C1orf21: variants seen among roughly 807,000 people sequenced by gnomAD.
C1orf21 encodes the protein chromosome 1 open reading frame 21.
Under a neutral mutation model 18.7 loss-of-function variants are expected in C1orf21, and 3 were observed. That is an observed-to-expected ratio of 0.16 (90% CI 0.07 to 0.42). The LOEUF is 0.42. Ranked by LOEUF, C1orf21 falls within the 10% of genes least tolerant of loss-of-function variation. The pLI, the probability that C1orf21 is intolerant of heterozygous loss-of-function variation, is 0.99. For missense variants in C1orf21, 104 were observed against 143.6 expected (o/e 0.72, Z 1.41); for synonymous variants, 41 against 46.4 (o/e 0.88, Z 0.47).
rs554137127 is a variant in C1orf21, at chr1:184,429,606, A to G, written c.-125+42238A>G. Among the ~76,000 whole-genome samples, 22 of 152,300 alleles carry G rather than the reference A, an allele frequency of 1.4e-4. No homozygotes were observed. In the South Asian group the frequency reaches 2.7e-3, roughly 19 times the overall value. ...TGGATTTTGGTGTGAGGGCAACTCA[A>G]GGTACTTAGACGGATCTGTTGTTCT... On this transcript the variant is annotated intron_variant, in intron 1 of 5. Coordinates refer to ENST00000235307, the MANE Select transcript of C1orf21 (RefSeq NM_030806.4).
chr1:184,538,409 G>T (rs376362534), intron 3 of C1orf21, among the ~76,000 whole-genome samples: 2 of 152,024 alleles, frequency 1.3e-5, no homozygotes, highest in South Asian at 2.1e-4. Context: ...TTCTCATTCC[G>T]TAGGTTGCCT....
intron 1 of C1orf21, among the ~76,000 whole-genome samples, chr1:184,428,518 G>T (rs537399444): frequency 6.6e-6 from 1 of 152,262 alleles, no homozygotes; most frequent in Non-Finnish European, 1.5e-5. Context: ...CACACTTCAT[G>T]TTGTATCAGA....
At chr1:184,488,014 C>T (rs1313556110) in intron 2 of C1orf21, among the ~76,000 whole-genome samples, 1 of 152,160 alleles carries the variant, frequency 6.6e-6, no homozygotes, top group African/African-American at 2.4e-5. Context: ...AAAATGGTTG[C>T]TTGGTTTCCT....
At chr1:184,590,893 C>A in intron 4 of C1orf21, 78 bp downstream of exon 4, 1 of 1,278,730 alleles carries the variant, frequency 7.8e-7, no homozygotes, top group Non-Finnish European at 1.1e-6. Flanking sequence ...TTCAACTACC[C>A]ATGGATCAAA....
At chr1:184,502,160 T>TAA in intron 2 of C1orf21, among the ~76,000 whole-genome samples, 1 of 152,340 alleles carries the variant, frequency 6.6e-6, no homozygotes, top group African/African-American at 2.4e-5. Flanking sequence ...GACTGGGTAT[T>TAA]TTTGCAAACA....
At chr1:184,612,979 T>A (rs370414225) in intron 5 of C1orf21, among the ~76,000 whole-genome samples, 1 of 152,174 alleles carries the variant, frequency 6.6e-6, no homozygotes, top group Non-Finnish European at 1.5e-5. Context: ...GAGACAGAGT[T>A]TCACTCTGTC....
At chr1:184,531,333 C>T (rs1015875318) in intron 3 of C1orf21, among the ~76,000 whole-genome samples, 1 of 152,100 alleles carries the variant, frequency 6.6e-6, no homozygotes, top group African/African-American at 2.4e-5. Context: ...GCCATCTTCT[C>T]TCTCCTTCTT....
chr1:184,497,704 T>G (rs572039369), intron 2 of C1orf21, among the ~76,000 whole-genome samples: 2 of 152,266 alleles, frequency 1.3e-5, no homozygotes, highest in Admixed American at 1.3e-4. Context: ...CTCTGTCCAG[T>G]TTCTTCCTAT....
At position 184,628,763 on chromosome 1, in the gene C1orf21, C is replaced by T. The variant is rs1660058380; in HGVS notation, c.*9207C>T. Reference sequence around the variant, plus strand: ...TCCAGAAAAGGACACTGGCAATATCCCCAGCTCTCTCCTGATTGGAATTCT... The same window carrying T: ...TCCAGAAAAGGACACTGGCAATATCTCCAGCTCTCTCCTGATTGGAATTCT... On this transcript the variant is annotated 3_prime_UTR_variant, in exon 6 of 6. Transcript: ENST00000235307. The T allele has an allele frequency of 6.6e-6, 1 of 152,416 alleles. No homozygotes were observed. The highest frequency in any genetic ancestry group is 2.4e-5 in the African/African-American group (1 of 41,374). The allele number at this position is 152,416 out of a possible 1,614,324, so 9.4% of individuals were successfully genotyped here. A position where few individuals can be genotyped will look rare whatever the true frequency, so the allele number is the denominator to read the frequency against.
intron 3 of C1orf21, chr1:184,568,326 CTT>C (rs35186185): frequency 4.7e-6 from 2 of 421,404 alleles, no homozygotes; most frequent in Non-Finnish European, 9.6e-6. Flanking sequence ...ATCTCCAGGA[CTT>C]TTTTCATCTT....
At chr1:184,538,159 A>G (rs1325129909) in intron 3 of C1orf21, among the ~76,000 whole-genome samples, 4 of 152,168 alleles carry the variant, frequency 2.6e-5, no homozygotes, top group African/African-American at 7.2e-5. Flanking sequence ...TAGTCATCCT[A>G]CTGAGTGTGA....
intron 1 of C1orf21, among the ~76,000 whole-genome samples, chr1:184,413,067 ACT>A (rs1387740291): frequency 6.6e-6 from 1 of 152,206 alleles, no homozygotes; most frequent in Non-Finnish European, 1.5e-5. Context: ...CTCAGGATAT[ACT>A]CATCCCAAGA....
At chr1:184,533,259 C>A (rs1451238723) in intron 3 of C1orf21, among the ~76,000 whole-genome samples, 3 of 152,126 alleles carry the variant, frequency 2.0e-5, no homozygotes, top group African/African-American at 7.2e-5. Flanking sequence ...CTCTTCCCCA[C>A]ACAGGTTTCA....
chr1:184,578,082 G>T (rs923471203), intron 3 of C1orf21, among the ~76,000 whole-genome samples: 1 of 149,686 alleles, frequency 6.7e-6, no homozygotes, highest in Non-Finnish European at 1.5e-5. Flanking sequence ...TCAGCCTCCC[G>T]AATAGCTGAG....
At chr1:184,591,417 A>C (rs546144258) in intron 4 of C1orf21, among the ~76,000 whole-genome samples, 1 of 152,226 alleles carries the variant, frequency 6.6e-6, no homozygotes, top group East Asian at 1.9e-4. Flanking sequence ...CATATAAGAC[A>C]CAAAGGATGT....
chr1:184,478,983 G>C (rs575146401), intron 2 of C1orf21, among the ~76,000 whole-genome samples: 24 of 151,614 alleles, frequency 1.6e-4, no homozygotes, highest in Non-Finnish European at 2.8e-4. Flanking sequence ...TCATTGTAAT[G>C]ATTGTTTTAG....
chr1:184,504,032 C>T (rs547885463), intron 2 of C1orf21, among the ~76,000 whole-genome samples: 3 of 152,264 alleles, frequency 2.0e-5, no homozygotes, highest in African/African-American at 4.8e-5. Context: ...CACCTTCTCA[C>T]GTAGTCTTCT....
At chr1:184,605,997 C>G (rs1659642444) in intron 5 of C1orf21, among the ~76,000 whole-genome samples, 1 of 152,182 alleles carries the variant, frequency 6.6e-6, no homozygotes. Flanking sequence ...TCCTACGGTA[C>G]AAATATCTCC....
At chr1:184,428,523 A>G (rs1656681218) in intron 1 of C1orf21, among the ~76,000 whole-genome samples, 2 of 152,210 alleles carry the variant, frequency 1.3e-5, no homozygotes. Context: ...TTCATGTTGT[A>G]TCAGAATTAA....
Sources: gnomAD v4.1 joint callset for allele counts (sites outside exome capture counted in the v4.1 genomes callset) on GRCh38, gnomAD v4.1.1 for gene constraint, MANE v1.5 for transcripts, NCBI Gene and HGNC (gene_info 2026-07-23, HGNC 2026-07-21) for gene names.